Variants in ATF7IP2 observed in about 807,000 individuals in gnomAD.
ATF7IP2 encodes the protein activating transcription factor 7-interacting protein 2.
Under a neutral mutation model 64.2 loss-of-function variants are expected in ATF7IP2, and 42 were observed. The observed-to-expected ratio is 0.65, with a 90% CI of 0.51 to 0.85. The LOEUF (loss-of-function observed/expected upper bound fraction) is 0.85. ATF7IP2 is among the 40% of genes least tolerant of loss of function. The pLI is 0.00. For synonymous variants in ATF7IP2, 308 were observed against 272.8 expected (o/e 1.13, Z -1.27); for missense variants, 933 against 784.2 (o/e 1.19, Z -2.27).
intron 8 of ATF7IP2, 145 bp downstream of exon 8, chr16:10,440,607 C>T (rs1041335756): frequency 1.8e-6 from 1 of 544,884 alleles, no homozygotes; most frequent in Non-Finnish European, 3.2e-6. Flanking sequence ...GCATCTGTCT[C>T]TGGAAAAGAC....
intron 2 of ATF7IP2, among the ~76,000 whole-genome samples, chr16:10,417,569 C>T (rs1166684399): frequency 6.6e-6 from 1 of 151,862 alleles, no homozygotes; most frequent in Admixed American, 6.6e-5. Flanking sequence ...ACTGGGCCAC[C>T]CAGATTCATT....
At chr16:10,423,633 C>G (rs955805218) in intron 3 of ATF7IP2, among the ~76,000 whole-genome samples, 13 of 152,198 alleles carry the variant, frequency 8.5e-5, no homozygotes, top group African/African-American at 2.9e-4. Flanking sequence ...CACTCTTTTT[C>G]TTCAAAATAA....
intron 2 of ATF7IP2, among the ~76,000 whole-genome samples, chr16:10,417,946 T>G (rs1196315216): frequency 6.6e-6 from 1 of 152,202 alleles, no homozygotes; most frequent in African/African-American, 2.4e-5. Context: ...CAATTGGATG[T>G]CCACGTCGGT....
chr16:10,392,720 C>T (rs1339153197), intron 1 of ATF7IP2, among the ~76,000 whole-genome samples: 1 of 151,880 alleles, frequency 6.6e-6, no homozygotes, highest in Non-Finnish European at 1.5e-5. Flanking sequence ...AGGCACAGGC[C>T]CATAAATTGT....
rs938426380 is a variant in ATF7IP2, at chr16:10,445,400, G to C, written c.1194+4938G>C. 10 of 152,204 alleles carry C rather than the reference G, an allele frequency of 6.6e-5. 1 individual carries two copies. The highest frequency in any genetic ancestry group is 1.0e-4 in the Non-Finnish European group (7 of 68,046). The allele number at this position is 152,204 out of a possible 1,614,324, so 9.4% of individuals were successfully genotyped here. A position where few individuals can be genotyped will look rare whatever the true frequency, so the allele number is the denominator to read the frequency against. On this transcript the variant is annotated intron_variant, in intron 8 of 13. Transcript: ENST00000562102. ...TCTCAGAGGAAACAGCCACTTGTTT[G>C]GCTATTTGATCTGCAAGGTTATTTC...
At chr16:10,398,571 A>G (rs1199197058) in intron 1 of ATF7IP2, among the ~76,000 whole-genome samples, 1 of 152,226 alleles carries the variant, frequency 6.6e-6, no homozygotes, top group Non-Finnish European at 1.5e-5. Context: ...TTATCAAGGA[A>G]TGAACAAAGA....
intron 8 of ATF7IP2, among the ~76,000 whole-genome samples, chr16:10,455,483 C>T (rs960058388): frequency 4.6e-5 from 7 of 152,164 alleles, no homozygotes; most frequent in African/African-American, 1.7e-4. Flanking sequence ...TAAAATAAGT[C>T]ATGCAGTTTG....
chr16:10,473,458 C>T (rs767666451), intron 10 of ATF7IP2, 21 bp from the exon 11 acceptor site: 93 of 1,474,280 alleles, frequency 6.3e-5, no homozygotes, highest in Non-Finnish European at 8.3e-5. Context: ...ATAAATTTGT[C>T]AAATGTCTAA....
rs1199115861 is a variant in ATF7IP2 at position 10,481,968 on chromosome 16, A to G, written c.1768A>G (p.Asn590Asp). Residue 590 changes from asparagine (N) to aspartate (D), a missense_variant, in exon 14 of 14, where the codon AAT becomes GAT. Transcript: ENST00000562102. Reference sequence around the variant, plus strand: ...CAAAGTGAAACGGGTTTTCAGACCCAATGGCATTGCCCTGACTTGGAATAT... The same window carrying G: ...CAAAGTGAAACGGGTTTTCAGACCCGATGGCATTGCCCTGACTTGGAATAT... ...ELKVKRVFRP[N>D]GIALTWNITK... 6.2e-7 allele frequency: 1 copy of G among 1,614,088 alleles called. No individual in the cohort carries two copies. Among genetic ancestry groups the G allele is most frequent in the Non-Finnish European group, 8.5e-7 (1 of 1,179,998 alleles).
rs1490136849 is a variant in ATF7IP2, at chr16:10,452,264, C to T, written c.1195-5108C>T. Among the ~76,000 whole-genome samples, 3 of 152,026 alleles carry T rather than the reference C, an allele frequency of 2.0e-5. No individual in the cohort carries two copies. The East Asian group carries it at 5.8e-4, about 29-fold the overall frequency. On this transcript the variant is annotated intron_variant, in intron 8 of 13. Transcript: ENST00000562102. ...CTCCCCATCTTTGTGGATTTATCTA[C>T]CTTTGGTCTTTGATGTTGGTGACCT...
At chr16:10,400,169 TA>T (rs1374198479) in intron 1 of ATF7IP2, among the ~76,000 whole-genome samples, 1 of 152,126 alleles carries the variant, frequency 6.6e-6, no homozygotes, top group African/African-American at 2.4e-5. Context: ...GCCTCCCAAG[TA>T]GCTGGGATTA....
At chr16:10,402,307 T>A (rs2047550887) in intron 1 of ATF7IP2, among the ~76,000 whole-genome samples, 1 of 152,216 alleles carries the variant, frequency 6.6e-6, no homozygotes, top group Non-Finnish European at 1.5e-5. Flanking sequence ...CAAATGTTCT[T>A]AATACCCATA....
intron 9 of ATF7IP2, among the ~76,000 whole-genome samples, chr16:10,462,997 G>C (rs886130691): frequency 6.6e-6 from 1 of 151,984 alleles, no homozygotes; most frequent in Non-Finnish European, 1.5e-5. Flanking sequence ...TCAGTTCTTG[G>C]TTATTTTTTA....
chr16:10,440,632 C>T (rs556220082), intron 8 of ATF7IP2, among the ~76,000 whole-genome samples, 170 bp downstream of exon 8: 14 of 152,200 alleles, frequency 9.2e-5, no homozygotes, highest in Non-Finnish European at 1.8e-4. Context: ...TTAGGTAGTA[C>T]ATGCCACTTG....
At chr16:10,422,187 C>G (rs1006366132) in intron 3 of ATF7IP2, among the ~76,000 whole-genome samples, 4 of 152,228 alleles carry the variant, frequency 2.6e-5, no homozygotes, top group Non-Finnish European at 5.9e-5. Flanking sequence ...TCTCTTTGCT[C>G]AGCAGCCATT....
chr16:10,424,999 G>T lies in ATF7IP2; in HGVS notation c.-159-3869G>T, dbSNP rs190652910. Among the ~76,000 whole-genome samples the T allele has an allele frequency of 2.0e-3, 299 of 149,252 alleles. 1 individual carries two copies. The highest frequency in any genetic ancestry group is 3.7e-3 in the Non-Finnish European group (249 of 67,532). On this transcript the variant is annotated intron_variant, in intron 3 of 13. Transcript: ENST00000562102. ...TCTACTGCTAGGTATATAGAACAAA[G>T]AAACATGAAAACATTATGTCCACAT...
intron 3 of ATF7IP2, among the ~76,000 whole-genome samples, chr16:10,428,320 C>T (rs2048133223): frequency 1.3e-5 from 2 of 152,132 alleles, no homozygotes; most frequent in African/African-American, 4.8e-5. Context: ...CATTTTTTTA[C>T]TCCAGAGCTT....
At chr16:10,441,127 C>T (rs1014756426) in intron 8 of ATF7IP2, among the ~76,000 whole-genome samples, 4 of 152,212 alleles carry the variant, frequency 2.6e-5, no homozygotes, top group African/African-American at 9.6e-5. Context: ...ATAAGTGCCA[C>T]ATTGTCTTTA....
At chr16:10,411,115 T>C (rs145003944) in intron 1 of ATF7IP2, among the ~76,000 whole-genome samples, 1 of 152,326 alleles carries the variant, frequency 6.6e-6, no homozygotes, top group East Asian at 1.9e-4. Flanking sequence ...TTCAGTTAGC[T>C]AGTATTTTGT....
Sources: allele counts gnomAD v4.1 joint callset (sites outside exome capture counted in the v4.1 genomes callset), GRCh38; gene constraint gnomAD v4.1.1; transcripts MANE v1.5; gene names NCBI Gene and HGNC (gene_info 2026-07-23, HGNC 2026-07-21).